ASIC2: variants seen among roughly 807,000 people sequenced by gnomAD.
ASIC2 encodes acid sensing ion channel subunit 2.
A neutral mutation model predicts 57.3 loss-of-function variants in ASIC2; 25 were observed. The observed-to-expected ratio is 0.44, with a 90% CI of 0.32 to 0.61. ASIC2 has a LOEUF of 0.61. Among genes scored for constraint, ASIC2 ranks in the 20% least tolerant of loss-of-function variants. The pLI, the probability that ASIC2 is intolerant of heterozygous loss-of-function variation, is 0.06. For missense variants in ASIC2, 641 were observed against 738.1 expected, an observed-to-expected ratio of 0.87 and a Z score of 1.52; for synonymous variants, 319 against 307.5, an observed-to-expected ratio of 1.04 and a Z score of -0.39.
intron 1 of ASIC2, among the ~76,000 whole-genome samples, chr17:33,140,288 A>G (rs1471887696): frequency 6.6e-6 from 1 of 152,188 alleles, no homozygotes; most frequent in Non-Finnish European, 1.5e-5. Context: ...ATTTGTGCCT[A>G]GTGTATGGGC....
intron 1 of ASIC2, among the ~76,000 whole-genome samples, chr17:33,527,977 G>T (rs1914935064): frequency 6.6e-6 from 1 of 152,166 alleles, no homozygotes. Context: ...ACTTCATGGA[G>T]GCCCTACTGT....
chr17:33,118,653 G>A (rs1423004161), intron 1 of ASIC2, among the ~76,000 whole-genome samples: 3 of 152,038 alleles, frequency 2.0e-5, no homozygotes, highest in Non-Finnish European at 2.9e-5. Context: ...AAAAATCTTC[G>A]CCTCCAAACT....
intron 3 of ASIC2, among the ~76,000 whole-genome samples, chr17:33,079,770 G>A (rs2092105225): frequency 6.6e-6 from 1 of 152,088 alleles, no homozygotes; most frequent in African/African-American, 2.4e-5. Flanking sequence ...TGTTCTATGG[G>A]TATTACATGT....
At chr17:33,021,568 A>G (rs1483012359) in intron 6 of ASIC2, among the ~76,000 whole-genome samples, 4 of 152,200 alleles carry the variant, frequency 2.6e-5, no homozygotes, top group African/African-American at 9.6e-5. Context: ...TTTGCACCCT[A>G]TGCAGGAGTC....
intron 1 of ASIC2, among the ~76,000 whole-genome samples, chr17:33,313,710 G>T (rs142113293): frequency 6.6e-6 from 1 of 152,186 alleles, no homozygotes; most frequent in East Asian, 1.9e-4. Context: ...TTGAATCTCT[G>T]CTCTCATATT....
At chr17:33,142,340 T>A (rs1340778352) in intron 1 of ASIC2, among the ~76,000 whole-genome samples, 2 of 152,238 alleles carry the variant, frequency 1.3e-5, no homozygotes, top group East Asian at 1.9e-4. Context: ...AGTATTTGGT[T>A]GTGATAAAAG....
intron 3 of ASIC2, among the ~76,000 whole-genome samples, chr17:33,031,358 T>C (rs185823389): frequency 1.4e-3 from 213 of 152,314 alleles, no homozygotes; most frequent in African/African-American, 4.7e-3. Context: ...TTTACAGTTA[T>C]GTCTTTTCAT....
intron 1 of ASIC2, among the ~76,000 whole-genome samples, chr17:33,948,560 A>G (rs1904458030): frequency 6.6e-6 from 1 of 152,230 alleles, no homozygotes. Flanking sequence ...CTCTGACTGC[A>G]TGGTGCCATG....
At chr17:33,258,224 T>A (rs912049809) in intron 1 of ASIC2, among the ~76,000 whole-genome samples, 1 of 152,246 alleles carries the variant, frequency 6.6e-6, no homozygotes, top group African/African-American at 2.4e-5. Flanking sequence ...TTTAGGAGTA[T>A]CTAGTTACAC....
chr17:33,557,564 T>C (rs1338421682), intron 1 of ASIC2, among the ~76,000 whole-genome samples: 1 of 152,166 alleles, frequency 6.6e-6, no homozygotes, highest in African/African-American at 2.4e-5. Flanking sequence ...CCATTCTGCA[T>C]TGGTGGAAGG....
intron 1 of ASIC2, among the ~76,000 whole-genome samples, chr17:33,594,966 A>T (rs1164162475): frequency 1.3e-5 from 2 of 152,114 alleles, no homozygotes; most frequent in Non-Finnish European, 2.9e-5. Context: ...CATGCCTGTA[A>T]TTCTAGCACT....
At chr17:34,148,364 C>T (rs1904374818) in intron 1 of ASIC2, among the ~76,000 whole-genome samples, 1 of 152,188 alleles carries the variant, frequency 6.6e-6, no homozygotes. Flanking sequence ...AGAGAGCTTA[C>T]AGCTTAAAGT....
chr17:33,535,830 G>A (rs1915210620), intron 1 of ASIC2, among the ~76,000 whole-genome samples: 1 of 152,196 alleles, frequency 6.6e-6, no homozygotes, highest in African/African-American at 2.4e-5. Flanking sequence ...GAATGACCAC[G>A]TGAAACAGAG....
intron 1 of ASIC2, among the ~76,000 whole-genome samples, chr17:33,245,653 T>C (rs948050637): frequency 1.1e-4 from 17 of 152,154 alleles, no homozygotes; most frequent in Admixed American, 1.1e-3. Flanking sequence ...CTTGAGGCAG[T>C]GGCTGCTGAG....
chr17:33,355,055 G>T (rs1456712467), intron 1 of ASIC2, among the ~76,000 whole-genome samples: 1 of 152,172 alleles, frequency 6.6e-6, no homozygotes, highest in Non-Finnish European at 1.5e-5. Context: ...GTAAGTGTGG[G>T]TATGTGTATA....
At chr17:33,202,565 G>GGCAA (rs1906913134) in intron 1 of ASIC2, among the ~76,000 whole-genome samples, 1 of 152,190 alleles carries the variant, frequency 6.6e-6, no homozygotes, top group Non-Finnish European at 1.5e-5. Context: ...GGCTCTTGCT[G>GGCAA]GACTTGGCAG....
chr17:33,398,333 G>T (rs557040012), intron 1 of ASIC2, among the ~76,000 whole-genome samples: 1 of 152,108 alleles, frequency 6.6e-6, no homozygotes, highest in Non-Finnish European at 1.5e-5. Flanking sequence ...AAAAGAGCAC[G>T]GGTTAACACA....
intron 1 of ASIC2, among the ~76,000 whole-genome samples, chr17:33,433,265 T>C (rs1911481583): frequency 6.6e-6 from 1 of 152,214 alleles, no homozygotes. Context: ...TGGATGGAGC[T>C]GGAGGCCATC....
At chr17:33,209,710 C>T (rs1195945844) in intron 1 of ASIC2, among the ~76,000 whole-genome samples, 2 of 152,168 alleles carry the variant, frequency 1.3e-5, no homozygotes, top group Non-Finnish European at 2.9e-5. Context: ...GTTAAGTGCC[C>T]CATAAATATT....
Sources: gnomAD v4.1 joint callset for allele counts (sites outside exome capture counted in the v4.1 genomes callset) on GRCh38, gnomAD v4.1.1 for gene constraint, MANE v1.5 for transcripts, NCBI Gene and HGNC (gene_info 2026-07-23, HGNC 2026-07-21) for gene names.